The following PDE4D variants were observed in gnomAD, a reference collection of about 807,000 sequenced individuals.
The protein encoded by PDE4D is phosphodiesterase 4D.
In PDE4D, 24 loss-of-function variants were observed where a neutral mutation model predicts 87.4. The ratio of observed to expected loss-of-function variants is 0.27; its 90% confidence interval spans 0.20 to 0.39. PDE4D has a LOEUF of 0.39. Ranked by LOEUF, PDE4D falls within the 10% of genes least tolerant of loss-of-function variation. The probability of loss-of-function intolerance (pLI) is 1.00; values close to 1 mark genes in which losing one functional copy is unlikely to be tolerated. For synonymous variants in PDE4D, 384 were observed against 383.2 expected, an observed-to-expected ratio of 1.00 and a Z score of -0.02; for missense variants, 714 against 1,041.0, an observed-to-expected ratio of 0.69 and a Z score of 4.32.
Position 59,930,837 on chromosome 5 carries a change from C to T in PDE4D, c.272+57651G>A, listed in dbSNP as rs556779059. 6.6e-5 allele frequency among the ~76,000 whole-genome samples: 10 copies of T among 152,210 alleles called. No homozygotes were observed. In the South Asian group the frequency reaches 2.1e-3, roughly 32 times the overall value. On this transcript the variant is annotated intron_variant, in intron 3 of 16. Coordinates refer to the PDE4D transcript ENST00000502484. ...GAAACAATAATACGCAGAGGTATGA[C>T]TATTGCCAGAAATGATTGTTTCAAA...
intron 1 of PDE4D, among the ~76,000 whole-genome samples, chr5:59,623,520 G>T (rs371705698): frequency 1.3e-5 from 2 of 152,058 alleles, no homozygotes; most frequent in African/African-American, 4.8e-5. Flanking sequence ...CATCTCCGAG[G>T]CTTGAAACTG....
At position 59,016,086 on chromosome 5, in the gene PDE4D, T is replaced by C. The variant is rs1023368048; in HGVS notation, c.922-22621A>G. On this transcript the variant is annotated intron_variant, in intron 6 of 14. Transcript: ENST00000340635. ...GGTGGGAATTGAACAATGAGAACAC[T>C]TGGACACAGGATGGGGGAACATCAC... Among the ~76,000 whole-genome samples the C allele has an allele frequency of 7.2e-5, 11 of 152,156 alleles. No homozygotes were observed. The South Asian group carries it at 2.1e-3, about 29-fold the overall frequency.
At chr5:60,005,368 G>A (rs1430593289) in intron 2 of PDE4D, among the ~76,000 whole-genome samples, 1 of 151,916 alleles carries the variant, frequency 6.6e-6, no homozygotes, top group East Asian at 1.9e-4. Context: ...ATACATTATG[G>A]GGATTTAATA....
chr5:59,041,848 A>T (rs1417057308), intron 5 of PDE4D, among the ~76,000 whole-genome samples: 1 of 152,210 alleles, frequency 6.6e-6, no homozygotes, highest in African/African-American at 2.4e-5. Context: ...TGTGGAAAAT[A>T]ATTCAGGAAA....
At chr5:59,205,920 T>C (rs1748691473) in intron 2 of PDE4D, among the ~76,000 whole-genome samples, 1 of 152,170 alleles carries the variant, frequency 6.6e-6, no homozygotes, top group South Asian at 2.1e-4. Context: ...GGTGAAATGA[T>C]TTCTTGTCAC....
At chr5:59,113,012 G>T (rs951333265) in intron 5 of PDE4D, among the ~76,000 whole-genome samples, 5 of 151,852 alleles carry the variant, frequency 3.3e-5, no homozygotes, top group Non-Finnish European at 7.4e-5. Flanking sequence ...TGTTGGTCAG[G>T]CTGGTCTCAA....
At chr5:59,490,612 A>G (rs958375969) in intron 1 of PDE4D, among the ~76,000 whole-genome samples, 1 of 152,244 alleles carries the variant, frequency 6.6e-6, no homozygotes, top group African/African-American at 2.4e-5. Context: ...TTTATATGTT[A>G]CATGCCTCAT....
chr5:59,343,758 T>C (rs918955844), intron 1 of PDE4D, among the ~76,000 whole-genome samples: 1 of 152,182 alleles, frequency 6.6e-6, no homozygotes, highest in Admixed American at 6.5e-5. Flanking sequence ...GTTATTTCTG[T>C]AAGCTTAAAA....
chr5:59,645,849 C>T (rs1742351510), intron 1 of PDE4D, among the ~76,000 whole-genome samples: 1 of 152,118 alleles, frequency 6.6e-6, no homozygotes, highest in African/African-American at 2.4e-5. Context: ...GAAATCACCC[C>T]CAAAAATTGA....
At chr5:59,656,061 C>A (rs1392534591) in intron 1 of PDE4D, among the ~76,000 whole-genome samples, 2 of 152,136 alleles carry the variant, frequency 1.3e-5, no homozygotes, top group Non-Finnish European at 2.9e-5. Flanking sequence ...TATGCAGACA[C>A]AGCAAGTGCA....
At chr5:59,647,140 C>T (rs983680252) in intron 1 of PDE4D, among the ~76,000 whole-genome samples, 1 of 152,192 alleles carries the variant, frequency 6.6e-6, no homozygotes, top group Non-Finnish European at 1.5e-5. Context: ...GGCATATTCA[C>T]AGCCTTCAAG....
chr5:60,179,553 A>G (rs1784209461), intron 2 of PDE4D, among the ~76,000 whole-genome samples: 1 of 152,108 alleles, frequency 6.6e-6, no homozygotes, highest in African/African-American at 2.4e-5. Context: ...GAAAAAAATT[A>G]TGCAAGCTAT....
At chr5:59,524,333 T>C (rs1250534265) in intron 1 of PDE4D, among the ~76,000 whole-genome samples, 2 of 152,038 alleles carry the variant, frequency 1.3e-5, no homozygotes, top group Non-Finnish European at 2.9e-5. Flanking sequence ...CCAGGCTGAG[T>C]TGGTCTGAGA....
At chr5:59,030,940 C>T (rs1410882590) in intron 6 of PDE4D, among the ~76,000 whole-genome samples, 1 of 152,012 alleles carries the variant, frequency 6.6e-6, no homozygotes, top group Non-Finnish European at 1.5e-5. Context: ...CGTATCATCC[C>T]ATCACCTAGG....
intron 1 of PDE4D, among the ~76,000 whole-genome samples, chr5:59,334,823 G>C (rs1001050049): frequency 6.6e-6 from 1 of 151,652 alleles, no homozygotes; most frequent in East Asian, 1.9e-4. Flanking sequence ...ATTACATTCT[G>C]TGTGTCTCTT....
At chr5:59,900,960 G>A (rs1475650867) in intron 3 of PDE4D, among the ~76,000 whole-genome samples, 2 of 152,094 alleles carry the variant, frequency 1.3e-5, no homozygotes, top group African/African-American at 4.8e-5. Flanking sequence ...AAGGCAAAAT[G>A]TATGCATTTT....
intron 1 of PDE4D, among the ~76,000 whole-genome samples, chr5:60,327,870 T>C (rs1339837328): frequency 1.3e-5 from 2 of 152,068 alleles, no homozygotes; most frequent in Admixed American, 1.3e-4. Flanking sequence ...ATATATTCAG[T>C]ATATGAAAAT....
At chr5:59,386,031 C>CA (rs1314652873) in intron 1 of PDE4D, among the ~76,000 whole-genome samples, 1 of 151,916 alleles carries the variant, frequency 6.6e-6, no homozygotes, top group Non-Finnish European at 1.5e-5. Context: ...GTAGGGTGTG[C>CA]GGGTAGAAAC....
chr5:60,506,179 T>C (rs1048995878), intron 1 of PDE4D, among the ~76,000 whole-genome samples: 1 of 152,164 alleles, frequency 6.6e-6, no homozygotes, highest in African/African-American at 2.4e-5. Flanking sequence ...AAGGACACAG[T>C]TCCTGTTCTG....
Sources: gnomAD v4.1 joint callset for allele counts (sites outside exome capture counted in the v4.1 genomes callset) on GRCh38, gnomAD v4.1.1 for gene constraint, MANE v1.5 for transcripts, NCBI Gene and HGNC (gene_info 2026-07-23, HGNC 2026-07-21) for gene names.